The following LRP1B variants were observed in gnomAD, a reference collection of about 807,000 sequenced individuals.
The protein encoded by LRP1B is LDL receptor related protein 1B, also known as low-density lipoprotein receptor-related protein 1B.
LRP1B carries 217 observed loss-of-function variants against 556.6 expected under a neutral mutation model. That is an observed-to-expected ratio of 0.39 (90% confidence interval 0.35 to 0.44). The LOEUF is 0.44. LRP1B is among the 20% of genes least tolerant of loss of function. LRP1B has a pLI of 1.00. For missense variants in LRP1B, 5,053 were observed against 5,620.8 expected (o/e 0.90, Z 3.23); for synonymous variants, 2,047 against 1,865.8 (o/e 1.10, Z -2.50).
At position 140,743,993 on chromosome 2, in the gene LRP1B, T is replaced by TAAAAAAAAAAAAAAAA. The variant is rs1297190080; in HGVS notation, c.5758+25219_5758+25220insTTTTTTTTTTTTTTTT. Among the ~76,000 whole-genome samples the TAAAAAAAAAAAAAAAA allele has an allele frequency of 9.8e-4, 7 of 7,162 alleles. 3 individuals carry two copies. Among genetic ancestry groups the TAAAAAAAAAAAAAAAA allele is most frequent in the Non-Finnish European group, 1.9e-3 (5 of 2,694 alleles). The allele number at this position is 7,162 out of a possible 152,430, so 4.7% of individuals were successfully genotyped here. A position where few individuals can be genotyped will look rare whatever the true frequency, so the allele number is the denominator to read the frequency against. ...AAAAAAAAAAAAAAAAAAAAAAAAG[T>TAAAAAAAAAAAAAAAA]AAAAAGTAAAATCCATAGACATAGA... On this transcript the variant is annotated intron_variant, in intron 35 of 90. Transcript: ENST00000389484.
intron 35 of LRP1B, among the ~76,000 whole-genome samples, chr2:140,720,719 C>A (rs1318011347): frequency 6.6e-6 from 1 of 152,050 alleles, no homozygotes; most frequent in Non-Finnish European, 1.5e-5. Flanking sequence ...TGTTGACCAC[C>A]TTCTGTGAAA....
At chr2:140,532,485 C>G (rs1341935550) in intron 47 of LRP1B, among the ~76,000 whole-genome samples, 1 of 151,942 alleles carries the variant, frequency 6.6e-6, no homozygotes, top group African/African-American at 2.4e-5. Context: ...CAACCTTCAC[C>G]TCTCGGGTTC....
intron 2 of LRP1B, among the ~76,000 whole-genome samples, chr2:141,690,410 T>TATATATATAG: frequency 1.2e-5 from 1 of 81,720 alleles, no homozygotes; most frequent in South Asian, 3.8e-4. Context: ...TATATATATA[T>TATATATATAG]ATATATATAT....
At chr2:141,439,840 C>T (rs1680896175) in intron 3 of LRP1B, among the ~76,000 whole-genome samples, 1 of 152,048 alleles carries the variant, frequency 6.6e-6, no homozygotes, top group African/African-American at 2.4e-5. Flanking sequence ...TCTGAGTGAC[C>T]ATAGAAGTTT....
intron 41 of LRP1B, among the ~76,000 whole-genome samples, chr2:140,657,748 T>C (rs1325339623): frequency 6.6e-6 from 1 of 151,602 alleles, no homozygotes; most frequent in African/African-American, 2.4e-5. Flanking sequence ...ATTATTTTAA[T>C]GTACTCATGA....
intron 79 of LRP1B, among the ~76,000 whole-genome samples, chr2:140,332,714 G>C (rs1680876316): frequency 6.6e-6 from 1 of 151,978 alleles, no homozygotes; most frequent in South Asian, 2.1e-4. Flanking sequence ...CTGAAACACA[G>C]TTTACTGTGC....
At position 140,249,870 on chromosome 2, in the gene LRP1B, A is replaced by G. The variant is rs577107536; in HGVS notation, c.13248-2708T>C. Among the ~76,000 whole-genome samples, 7 of 152,032 alleles carry G rather than the reference A, an allele frequency of 4.6e-5. No individual in the cohort carries two copies. The East Asian group carries it at 7.8e-4, about 17-fold the overall frequency. ...ATCTTCATACTTTAAGTAGACTACA[A>G]TGATCAAAGCCATTAATGGCAGAGC... On this transcript the variant is annotated intron_variant, in intron 86 of 90. Coordinates refer to ENST00000389484, the MANE Select transcript of LRP1B (RefSeq NM_018557.3).
intron 41 of LRP1B, among the ~76,000 whole-genome samples, chr2:140,614,680 G>A (rs1031229358): frequency 4.6e-5 from 7 of 152,210 alleles, no homozygotes; most frequent in South Asian, 4.1e-4. Context: ...CAAATATTAC[G>A]ATGTAATTGA....
At chr2:140,739,525 T>C (rs1688066656) in intron 35 of LRP1B, among the ~76,000 whole-genome samples, 2 of 152,188 alleles carry the variant, frequency 1.3e-5, no homozygotes, top group South Asian at 4.1e-4. Context: ...CCCTGGTACA[T>C]GAGATTTTAA....
In LRP1B at chr2:141,055,285, G is replaced by A. The variant is rs143324688; in HGVS notation, c.1409-26C>T. On this transcript the variant is annotated intron_variant, in intron 9 of 90. Coordinates refer to ENST00000389484, the MANE Select transcript of LRP1B (RefSeq NM_018557.3). Reference sequence around the variant, plus strand: ...CTACAACAAATAAAAAACAGCATGCGTGAAATTCAAGTTCAAAGATAAGAT... The same window carrying A: ...CTACAACAAATAAAAAACAGCATGCATGAAATTCAAGTTCAAAGATAAGAT... The A allele has an allele frequency of 7.0e-5, 111 of 1,592,954 alleles. No homozygotes were observed. The African/African-American group carries it at 1.3e-3, about 18-fold the overall frequency.
At chr2:140,551,444 A>T (rs886883828) in intron 43 of LRP1B, among the ~76,000 whole-genome samples, 1 of 152,128 alleles carries the variant, frequency 6.6e-6, no homozygotes, top group Non-Finnish European at 1.5e-5. Flanking sequence ...ACAAAGGCTA[A>T]GTGAGTATGA....
chr2:141,957,178 G>T (rs868704978), intron 1 of LRP1B, among the ~76,000 whole-genome samples: 9 of 151,810 alleles, frequency 5.9e-5, no homozygotes, highest in African/African-American at 1.9e-4. Context: ...ACTAACTTTG[G>T]TCCTAGAGAA....
intron 3 of LRP1B, among the ~76,000 whole-genome samples, chr2:141,403,714 A>C (rs1324449373): frequency 1.3e-5 from 2 of 152,164 alleles, no homozygotes; most frequent in Admixed American, 6.5e-5. Flanking sequence ...AATTCCAGTA[A>C]TTTTTACAAA....
chr2:141,055,350 A>C, intron 9 of LRP1B, 91 bp from the exon 10 acceptor site: 1 of 1,417,152 alleles, frequency 7.1e-7, no homozygotes, highest in South Asian at 1.4e-5. Flanking sequence ...TATAGTGTAA[A>C]AACAGGGAAT....
intron 2 of LRP1B, among the ~76,000 whole-genome samples, chr2:141,691,422 TAAG>T (rs1199536445): frequency 1.8e-5 from 2 of 108,176 alleles, no homozygotes; most frequent in Non-Finnish European, 3.8e-5. Context: ...TTCTTCTGAG[TAAG>T]AAGAAAAGGA....
chr2:140,545,063 T>A (rs6727729), intron 43 of LRP1B, among the ~76,000 whole-genome samples: 51,815 of 151,852 alleles, frequency 0.34, 9,764 homozygotes, highest in South Asian at 0.45. Context: ...TGAGCTTTTT[T>A]TCATATGTTT....
intron 3 of LRP1B, among the ~76,000 whole-genome samples, chr2:141,385,052 C>A (rs1472118852): frequency 6.6e-6 from 1 of 152,082 alleles, no homozygotes; most frequent in Non-Finnish European, 1.5e-5. Context: ...ACTCGGGGTA[C>A]CCGCTGGGTG....
rs188537473 is a variant in LRP1B at position 140,331,622 on chromosome 2, G to A, written c.12223+2831C>T. 2.0e-5 allele frequency among the ~76,000 whole-genome samples: 3 copies of A among 150,664 alleles called. No homozygotes were observed. The East Asian group carries it at 5.9e-4, about 30-fold the overall frequency. On this transcript the variant is annotated intron_variant, in intron 79 of 90. Coordinates refer to ENST00000389484, the MANE Select transcript of LRP1B (RefSeq NM_018557.3). ...CATATGCTGTACATTGGAGCCCCTG[G>A]CTCAGAGGACTATATTATTTCATAT...
At position 140,334,443 on chromosome 2, in the gene LRP1B, G is replaced by A. The variant is rs187178585; in HGVS notation, c.12223+10C>T. ...CTGCTTCATATTTTAGCGTGTGTCA[G>A]AAATCATACCTGTGGGTCTCTGTAA... On this transcript the variant is annotated intron_variant, in intron 79 of 90. Coordinates refer to ENST00000389484, the MANE Select transcript of LRP1B (RefSeq NM_018557.3). The A allele has an allele frequency of 3.4e-5, 53 of 1,538,916 alleles. No homozygotes were observed. In the African/African-American group the frequency reaches 4.9e-4, roughly 14 times the overall value.
Sources: gnomAD v4.1 joint callset for allele counts (sites outside exome capture counted in the v4.1 genomes callset) on GRCh38, gnomAD v4.1.1 for gene constraint, MANE v1.5 for transcripts, NCBI Gene and HGNC (gene_info 2026-07-23, HGNC 2026-07-21) for gene names.